The following ZNG1C variants were observed in gnomAD, a reference collection of about 807,000 sequenced individuals.
ZNG1C encodes Zn regulated GTPase metalloprotein activator 1C.
the ZNG1C span, among the ~76,000 whole-genome samples, chr9:68,267,274 C>T: frequency 1.4e-4 from 21 of 152,052 alleles, no homozygotes; most frequent in Non-Finnish European, 2.8e-4. Flanking sequence ...AGATTATTTG[C>T]CATGATTAAT....
the ZNG1C span, among the ~76,000 whole-genome samples, chr9:68,271,608 G>A: frequency 8.2e-6 from 1 of 122,660 alleles, no homozygotes. Flanking sequence ...GTAGGGTAGG[G>A]ATAACTTTCC....
chr9:68,294,168 C>T, the ZNG1C span, among the ~76,000 whole-genome samples: 1 of 145,032 alleles, frequency 6.9e-6, no homozygotes, highest in Non-Finnish European at 1.5e-5. Context: ...CTCTGGGATA[C>T]AGCAAAGGTG....
the ZNG1C span, among the ~76,000 whole-genome samples, chr9:68,287,390 T>C: frequency 1.3e-5 from 2 of 152,132 alleles, no homozygotes; most frequent in South Asian, 2.1e-4. Flanking sequence ...TATTAATGTA[T>C]ATTTTTAACA....
At chr9:68,271,014 T>C in the ZNG1C span, 1 of 140,978 alleles carries the variant, frequency 7.1e-6, no homozygotes, top group Non-Finnish European at 1.5e-5. Flanking sequence ...TGACAAGTAC[T>C]GACAATAAAC....
the ZNG1C span, among the ~76,000 whole-genome samples, chr9:68,292,131 A>G: frequency 6.6e-6 from 1 of 152,164 alleles, no homozygotes; most frequent in African/African-American, 2.4e-5. Flanking sequence ...AGGAAAAGGG[A>G]GAGAGTACTA....
chr9:68,245,659 G>T, the ZNG1C span, among the ~76,000 whole-genome samples: 1 of 52,506 alleles, frequency 1.9e-5, no homozygotes, highest in Non-Finnish European at 5.0e-5. Context: ...GAGTGCAGTG[G>T]TGCAATCTCA....
At chr9:68,259,638 A>G in the ZNG1C span, among the ~76,000 whole-genome samples, 5 of 150,350 alleles carry the variant, frequency 3.3e-5, no homozygotes, top group African/African-American at 1.2e-4. Context: ...CAGCCTCCTG[A>G]GTATCTGGGA....
chr9:68,283,627 C>CT, the ZNG1C span, among the ~76,000 whole-genome samples: 5,620 of 31,600 alleles, frequency 0.18, 528 homozygotes, highest in Non-Finnish European at 0.29. Context: ...ATTTGCCTTT[C>CT]TTTTTTTTTT....
the ZNG1C span, among the ~76,000 whole-genome samples, chr9:68,285,046 A>G: frequency 0.076 from 6,968 of 91,544 alleles, no homozygotes; most frequent in South Asian, 0.15. Context: ...AGCAGTTATA[A>G]TGCTTTAGTG....
At chr9:68,287,088 G>A in the ZNG1C span, among the ~76,000 whole-genome samples, 6 of 152,244 alleles carry the variant, frequency 3.9e-5, no homozygotes, top group South Asian at 4.1e-4. Context: ...AGCAGCCAGT[G>A]TCTCCATCCA....
the ZNG1C span, among the ~76,000 whole-genome samples, chr9:68,287,668 A>C: frequency 0.015 from 2,260 of 151,642 alleles, 2 homozygotes; most frequent in African/African-American, 0.053. Context: ...TCCAGACATT[A>C]TGTCACTTTA....
the ZNG1C span, chr9:68,257,028 G>GTTTTTTTTTTTTGTTTTTTTTTTTTT: frequency 2.4e-5 from 2 of 82,234 alleles, no homozygotes; most frequent in African/African-American, 3.5e-4. Context: ...TTTTTTTTTT[G>GTTTTTTTTTTTTGTTTTTTTTTTTTT]TTTTTTTTTT....
At chr9:68,268,397 T>C in the ZNG1C span, among the ~76,000 whole-genome samples, 3 of 152,114 alleles carry the variant, frequency 2.0e-5, no homozygotes, top group African/African-American at 7.3e-5. Flanking sequence ...GTAGAGAGCC[T>C]AATTAGGGAA....
the ZNG1C span, among the ~76,000 whole-genome samples, chr9:68,287,604 G>A: frequency 6.6e-6 from 1 of 152,306 alleles, no homozygotes; most frequent in Admixed American, 6.5e-5. Context: ...GAGTAGAATA[G>A]TATAATGAGC....
At chr9:68,266,618 G>A in the ZNG1C span, among the ~76,000 whole-genome samples, 2 of 146,730 alleles carry the variant, frequency 1.4e-5, no homozygotes, top group African/African-American at 5.2e-5. Context: ...TACCCAGGAT[G>A]GTTAATTCAC....
chr9:68,262,905 AC>A, the ZNG1C span, among the ~76,000 whole-genome samples: 1 of 141,182 alleles, frequency 7.1e-6, no homozygotes, highest in Admixed American at 7.0e-5. Flanking sequence ...AAAATATTAA[AC>A]TTGATCTTTT....
At chr9:68,281,230 ACTGT>A in the ZNG1C span, among the ~76,000 whole-genome samples, 3 of 152,264 alleles carry the variant, frequency 2.0e-5, no homozygotes, top group Admixed American at 2.0e-4. Context: ...ACCTGCGCCC[ACTGT>A]CTGGCACTAC....
At chr9:68,286,920 T>TAA in the ZNG1C span, among the ~76,000 whole-genome samples, 3 of 58,918 alleles carry the variant, frequency 5.1e-5, no homozygotes, top group African/African-American at 1.3e-4. Flanking sequence ...GAATTTATGG[T>TAA]AAAAAAAAAA....
chr9:68,257,236 C>T, the ZNG1C span, among the ~76,000 whole-genome samples: 13,220 of 85,428 alleles, frequency 0.15, no homozygotes, highest in African/African-American at 0.19. Flanking sequence ...CGGGGTTTCG[C>T]CATGTTGGCC....
Sources: gnomAD v4.1 joint callset for allele counts (sites outside exome capture counted in the v4.1 genomes callset) on GRCh38, gnomAD v4.1.1 for gene constraint, MANE v1.5 for transcripts, NCBI Gene and HGNC (gene_info 2026-07-23, HGNC 2026-07-21) for gene names.